The following IPP variants were observed in gnomAD, a reference collection of about 807,000 sequenced individuals.
IPP encodes the protein actin-binding protein IPP.
IPP carries 41 observed loss-of-function variants against 64.1 expected under a neutral mutation model. The ratio of observed to expected loss-of-function variants is 0.64; its 90% CI spans 0.50 to 0.83. The LOEUF is 0.83. IPP is among the 40% of genes least tolerant of loss of function. IPP has a pLI of 0.00. For synonymous variants in IPP, 214 were observed against 235.2 expected (o/e 0.91, Z 0.83); for missense variants, 649 against 703.0 (o/e 0.92, Z 0.87).
At chr1:45,735,419 C>T (rs1053939348) in intron 3 of IPP, among the ~76,000 whole-genome samples, 80 of 130,206 alleles carry the variant, frequency 6.1e-4, no homozygotes, top group African/African-American at 2.2e-3. Flanking sequence ...GAAACAAGGT[C>T]TTGCTTTATT....
chr1:45,721,185 T>C (rs1409955132), intron 5 of IPP, among the ~76,000 whole-genome samples: 2 of 152,206 alleles, frequency 1.3e-5, no homozygotes, highest in African/African-American at 2.4e-5. Flanking sequence ...TAGAAAGGCC[T>C]ACTTGGAAGA....
At chr1:45,722,785 A>G (rs966491611) in intron 5 of IPP, among the ~76,000 whole-genome samples, 8 of 152,346 alleles carry the variant, frequency 5.3e-5, no homozygotes, top group African/African-American at 1.7e-4. Flanking sequence ...CAAACAAAAT[A>G]TGATTATTTC....
At chr1:45,702,309 C>CAAAAAAAAAAAAA (rs539770674) in intron 8 of IPP, among the ~76,000 whole-genome samples, 1 of 136,740 alleles carries the variant, frequency 7.3e-6, no homozygotes. Flanking sequence ...CATGTTACCT[C>CAAAAAAAAAAAAA]AAAAAAAAAA....
chr1:45,714,798 T>C (rs3935296), intron 7 of IPP, among the ~76,000 whole-genome samples: 108,755 of 152,056 alleles, frequency 0.72, 39,034 homozygotes, highest in African/African-American at 0.76. Context: ...CATGGATTTT[T>C]TTTTCCCTAA....
At chr1:45,718,654 T>C (rs1424286044) in intron 6 of IPP, among the ~76,000 whole-genome samples, 2 of 152,106 alleles carry the variant, frequency 1.3e-5, no homozygotes, top group African/African-American at 2.4e-5. Flanking sequence ...TTAAAGCCAG[T>C]TGGTTTTTAA....
At position 45,699,095 on chromosome 1, in the gene IPP, A is replaced by G; in HGVS notation, c.*871T>C. On this transcript the variant is annotated 3_prime_UTR_variant, in exon 9 of 9. Transcript: ENST00000396478. ...GTATAGCCCATTACAACATCTGGTC[A>G]CTAAGAACCTCCTATTAATTCCTTA... 1 of 985,382 alleles carries G rather than the reference A, an allele frequency of 1.0e-6. No homozygotes were observed. The highest frequency in any genetic ancestry group is 1.2e-6 in the Non-Finnish European group (1 of 829,920). The allele number at this position is 985,382 out of a possible 1,614,324, so 61.0% of individuals were successfully genotyped here. A position where few individuals can be genotyped will look rare whatever the true frequency, so the allele number is the denominator to read the frequency against.
Position 45,729,595 on chromosome 1 carries a change from T to A in IPP, c.880+19A>T. 6.3e-7 allele frequency: 1 copy of A among 1,590,846 alleles called. No homozygotes were observed. Among genetic ancestry groups the A allele is most frequent in the Non-Finnish European group, 8.6e-7 (1 of 1,165,600 alleles). ...GAACACAAATATAATTTCTATTACT[T>A]TTTTAAGGGCTCTCTCACCTACTGC... On this transcript the variant is annotated intron_variant, in intron 4 of 8. Transcript: ENST00000396478.
chr1:45,726,579 G>A (rs1329504322), intron 5 of IPP, among the ~76,000 whole-genome samples: 1 of 151,884 alleles, frequency 6.6e-6, no homozygotes, highest in Non-Finnish European at 1.5e-5. Context: ...CCATGATTTC[G>A]ACCAAGAAAT....
chr1:45,737,057 A>G (rs941100074), intron 3 of IPP, among the ~76,000 whole-genome samples: 7 of 151,130 alleles, frequency 4.6e-5, no homozygotes, highest in East Asian at 1.9e-4. Flanking sequence ...AAAAAAAAAA[A>G]AAAGAAAAAG....
At chr1:45,750,024 G>A (rs1302228253) in intron 1 of IPP, among the ~76,000 whole-genome samples, 2 of 152,136 alleles carry the variant, frequency 1.3e-5, no homozygotes, top group African/African-American at 2.4e-5. Flanking sequence ...CTGCATTCCA[G>A]CCTAGGAGAA....
intron 4 of IPP, among the ~76,000 whole-genome samples, chr1:45,728,189 A>G (rs941866879): frequency 1.6e-5 from 2 of 123,688 alleles, no homozygotes; most frequent in Non-Finnish European, 3.4e-5. Context: ...GCAGGGTTTC[A>G]CTCTGTCACC....
chr1:45,749,674 C>A (rs1646193015), intron 1 of IPP, among the ~76,000 whole-genome samples: 1 of 151,516 alleles, frequency 6.6e-6, no homozygotes, highest in Non-Finnish European at 1.5e-5. Flanking sequence ...GCGCCCGCCA[C>A]CACGCCCGGC....
Position 45,741,677 on chromosome 1 carries a change from G to A in IPP, c.293-345C>T, listed in dbSNP as rs796868240. ...GGAGTCCCGCTCTTTAGCCCAGGCC[G>A]GATTGCAGTGGCACAATCTTGGCTC... is the stretch of plus-strand genomic sequence containing the variant. On this transcript the variant is annotated intron_variant, in intron 2 of 8. Transcript: ENST00000396478. Among the ~76,000 whole-genome samples the A allele has an allele frequency of 1.8e-4, 12 of 68,464 alleles. 1 individual carries two copies. The highest frequency in any genetic ancestry group is 5.7e-4 in the African/African-American group (12 of 21,072). 44.9% of individuals were successfully genotyped at this position (68,464 alleles called of 152,430 possible). A position where few individuals can be genotyped will look rare whatever the true frequency, so the allele number is the denominator to read the frequency against.
rs951238095 is a variant in IPP, at chr1:45,746,363, C to G, written c.49G>C (p.Asp17His). ...GCCAAGATGAGTTGGGCATGTTTATCTGATGAAAAAGGACTATCAGCAGCC... is the reference window on the plus strand; with the variant it reads ...GCCAAGATGAGTTGGGCATGTTTATGTGATGAAAAAGGACTATCAGCAGCC... ...PKAADSPFSS[D>H]KHAQLILAQI... Residue 17 changes from aspartate (D) to histidine (H), a missense_variant, in exon 2 of 9, where the codon GAT becomes CAT. By Grantham distance (81) the Asp-to-His change is moderately conservative. Coordinates refer to ENST00000396478, the MANE Select transcript of IPP (RefSeq NM_005897.3). 5 of 1,613,834 alleles carry G rather than the reference C, an allele frequency of 3.1e-6. No individual in the cohort carries two copies. Among genetic ancestry groups the G allele is most frequent in the Non-Finnish European group, 4.2e-6 (5 of 1,179,858 alleles).
chr1:45,741,884 T>A (rs1458152175), intron 2 of IPP, among the ~76,000 whole-genome samples: 1 of 150,276 alleles, frequency 6.7e-6, no homozygotes, highest in African/African-American at 2.4e-5. Context: ...CGCCTCGGCC[T>A]CCCAAAGTGC....
intron 2 of IPP, among the ~76,000 whole-genome samples, chr1:45,742,595 G>A (rs554698329): frequency 2.6e-5 from 4 of 152,032 alleles, no homozygotes; most frequent in Non-Finnish European, 5.9e-5. Context: ...GTGCAGTGGC[G>A]CAATCTTGGC....
intron 8 of IPP, among the ~76,000 whole-genome samples, chr1:45,706,454 AT>A (rs796162586): frequency 6.6e-5 from 10 of 150,630 alleles, no homozygotes; most frequent in South Asian, 2.1e-4. Flanking sequence ...TTTTTTAATA[AT>A]TTTTTTTTTC....
At chr1:45,736,588 TA>T (rs890327850) in intron 3 of IPP, among the ~76,000 whole-genome samples, 8 of 151,316 alleles carry the variant, frequency 5.3e-5, no homozygotes, top group East Asian at 1.9e-4. Flanking sequence ...ATGGTTGCCT[TA>T]AAAAAAAATC....
At chr1:45,736,258 ATTG>A (rs1170978626) in intron 3 of IPP, among the ~76,000 whole-genome samples, 1 of 152,062 alleles carries the variant, frequency 6.6e-6, no homozygotes, top group Non-Finnish European at 1.5e-5. Context: ...CGCCGAGCCT[ATTG>A]TTGTTTTTAT....
Sources: allele counts gnomAD v4.1 joint callset (sites outside exome capture counted in the v4.1 genomes callset), GRCh38; gene constraint gnomAD v4.1.1; transcripts MANE v1.5; gene names NCBI Gene and HGNC (gene_info 2026-07-23, HGNC 2026-07-21).